The following QRICH1 variants were observed in gnomAD, a reference collection of about 807,000 sequenced individuals.
QRICH1 encodes the protein transcriptional regulator QRICH1.
Under a neutral mutation model 87.1 loss-of-function variants are expected in QRICH1, and 16 were observed. The observed-to-expected ratio is 0.18, with a 90% CI of 0.12 to 0.28. The LOEUF (loss-of-function observed/expected upper bound fraction) is 0.28, where lower values mean the gene tolerates loss of function less well. Among genes scored for constraint, QRICH1 ranks in the 10% least tolerant of loss-of-function variants. The pLI, the probability that QRICH1 is intolerant of heterozygous loss-of-function variation, is 1.00. For synonymous variants in QRICH1, 367 were observed against 368.4 expected, an observed-to-expected ratio of 1.00 and a Z score of 0.05; for missense variants, 647 against 951.7, an observed-to-expected ratio of 0.68 and a Z score of 4.21.
chr3:49,065,588 G>A (rs1246414908), intron 2 of QRICH1, among the ~76,000 whole-genome samples: 1 of 152,098 alleles, frequency 6.6e-6, no homozygotes, highest in Non-Finnish European at 1.5e-5. Context: ...GAGAATGAAA[G>A]TGAAAAAGGC....
In QRICH1 at chr3:49,057,030, A is replaced by G. The variant is rs750989844; in HGVS notation, c.1170T>C (p.Asn390=). ...ANSLFPAQFM[N]GNIHIPVAVQ... is the part of the protein sequence containing the mutation. ...CAGCCACTGGAATGTGGATGTTGCC[A>G]TTCATGAACTGTGCTGGAAAGAGAG... Residue 390 remains asparagine (N), a synonymous_variant, in exon 3 of 10, where the codon AAT becomes AAC. Transcript: ENST00000395443. This position sits in a 1 kb window ranked among gnomAD's most constrained non-coding sequence, Gnocchi z 5.4. 1 of 1,614,226 alleles carries G rather than the reference A, an allele frequency of 6.2e-7. No individual in the cohort carries two copies. Among genetic ancestry groups the G allele is most frequent in the South Asian group, 1.1e-5 (1 of 91,086 alleles).
rs1023689176 is a variant in QRICH1, at chr3:49,029,768, C to CA, written c.*683dup. 4 of 296,288 alleles carry CA rather than the reference C, an allele frequency of 1.4e-5. No homozygotes were observed. The highest frequency in any genetic ancestry group is 8.8e-5 in the African/African-American group (4 of 45,564). 18.4% of individuals were successfully genotyped at this position (296,288 alleles called of 1,614,324 possible). ...CTAGAGTAAGAATACATAAGAGAAA[C>CA]AGAGTGGTATCTTTATATGATACAC... On this transcript the variant is annotated 3_prime_UTR_variant, in exon 10 of 10. Transcript: ENST00000395443.
At chr3:49,077,799 T>C (rs981654331) in intron 1 of QRICH1, among the ~76,000 whole-genome samples, 4 of 152,150 alleles carry the variant, frequency 2.6e-5, no homozygotes, top group Admixed American at 2.0e-4. Context: ...ATCTAGCACA[T>C]AGATAGCACT....
chr3:49,079,074 AAT>A (rs1425816680), intron 1 of QRICH1, among the ~76,000 whole-genome samples: 2 of 152,046 alleles, frequency 1.3e-5, no homozygotes, highest in Non-Finnish European at 2.9e-5. Flanking sequence ...CTCTACAAAA[AAT>A]ATATAAAAAT....
At chr3:49,041,484 G>C (rs1232521088) in intron 6 of QRICH1, among the ~76,000 whole-genome samples, 1 of 151,842 alleles carries the variant, frequency 6.6e-6, no homozygotes, top group African/African-American at 2.4e-5. Context: ...TGAGCTACCA[G>C]GCCCAGCCTA....
At position 49,040,458 on chromosome 3, in the gene QRICH1, G is replaced by GA. The variant is rs912315894; in HGVS notation, c.1786+3931dup. On this transcript the variant is annotated intron_variant, in intron 6 of 9. Transcript: ENST00000395443. The stretch of plus-strand genomic sequence containing the variant: ...CCTTGCTCTCCACAAAAAAGGAGGG[G>GA]AAAAAAAAAGACAAAGTACTAGAGT... 4.6e-5 allele frequency among the ~76,000 whole-genome samples: 7 copies of GA among 150,680 alleles called. No individual in the cohort carries two copies. In the South Asian group the frequency reaches 8.4e-4, roughly 18 times the overall value.
chr3:49,054,356 T>A (rs998573505), intron 3 of QRICH1, among the ~76,000 whole-genome samples: 2 of 152,210 alleles, frequency 1.3e-5, no homozygotes, highest in Admixed American at 1.3e-4. Flanking sequence ...TTCTCCTATA[T>A]GCAGTCAATT....
rs1363111032 is a variant in QRICH1 at position 49,048,645 on chromosome 3, G to A, written c.1339-1399C>T. On this transcript the variant is annotated intron_variant, in intron 3 of 9. Transcript: ENST00000395443. ...CTACTAAAATACAAAAAAATCAGCC[G>A]GGTGTGGTGGCGGGCGCCTGTAGTC... is the stretch of plus-strand genomic sequence containing the variant. Among the ~76,000 whole-genome samples the A allele has an allele frequency of 1.5e-4, 22 of 150,908 alleles. No homozygotes were observed. The Middle Eastern group carries it at 0.017, about 117-fold the overall frequency.
intron 2 of QRICH1, among the ~76,000 whole-genome samples, chr3:49,061,134 TAAAAAAAAAAAAAAAAA>T (rs57557768): frequency 4.5e-4 from 18 of 39,742 alleles, no homozygotes; most frequent in African/African-American, 9.2e-4. Flanking sequence ...GCCTCCATCT[TAAAAAAAAAAAAAAAAA>T]AAAAAAAAAA....
intron 1 of QRICH1, among the ~76,000 whole-genome samples, chr3:49,090,515 C>T (rs2042253877): frequency 6.7e-6 from 1 of 150,330 alleles, no homozygotes; most frequent in Non-Finnish European, 1.5e-5. Context: ...GTAATTCCAG[C>T]TACTCCAGAG....
chr3:49,046,446 A>G lies in QRICH1; in HGVS notation c.1650T>C (p.Tyr550=). Residue 550 remains tyrosine (Y), a synonymous_variant, in exon 5 of 10, where the codon TAT becomes TAC. Transcript: ENST00000395443. ...GEPYDPDVLY[Y]IFLCIQKYLF... is the part of the protein sequence containing the mutation. ...CTACCTTTTGAATACACAGGAAAATATAGTAGAGCACATCTGGGTCATAGG... is the reference window on the plus strand; with the variant it reads ...CTACCTTTTGAATACACAGGAAAATGTAGTAGAGCACATCTGGGTCATAGG... 6.2e-7 allele frequency: 1 copy of G among 1,613,892 alleles called. No homozygotes were observed. The highest frequency in any genetic ancestry group is 8.5e-7 in the Non-Finnish European group (1 of 1,179,960).
chr3:49,035,888 A>G (rs1296526147), intron 6 of QRICH1, among the ~76,000 whole-genome samples: 1 of 148,126 alleles, frequency 6.8e-6, no homozygotes, highest in African/African-American at 2.5e-5. Context: ...CAGCCTAGAC[A>G]ACATGGCAAA....
chr3:49,040,582 C>A (rs1011348081), intron 6 of QRICH1, among the ~76,000 whole-genome samples: 39 of 152,320 alleles, frequency 2.6e-4, no homozygotes, highest in African/African-American at 8.9e-4. Flanking sequence ...GACTGCTGGG[C>A]ACATAGTAGG....
intron 2 of QRICH1, among the ~76,000 whole-genome samples, chr3:49,062,847 A>C (rs1304294051): frequency 2.0e-5 from 3 of 151,932 alleles, no homozygotes; most frequent in South Asian, 4.1e-4. Context: ...TTCTATTAAA[A>C]TAATTAGCCA....
chr3:49,082,096 C>A (rs919313659), intron 1 of QRICH1, among the ~76,000 whole-genome samples: 11 of 152,058 alleles, frequency 7.2e-5, no homozygotes, highest in Admixed American at 3.3e-4. Context: ...CACCTGCCCC[C>A]ATACCCGGCT....
At chr3:49,038,263 G>A (rs1317160135) in intron 6 of QRICH1, among the ~76,000 whole-genome samples, 4 of 151,090 alleles carry the variant, frequency 2.6e-5, no homozygotes, top group Non-Finnish European at 5.9e-5. Flanking sequence ...GGGCTTCACC[G>A]TGTTAGCCAG....
intron 1 of QRICH1, among the ~76,000 whole-genome samples, chr3:49,082,618 G>A (rs888934674): frequency 3.3e-5 from 5 of 151,968 alleles, no homozygotes; most frequent in South Asian, 2.1e-4. Flanking sequence ...AAAAAAAGCC[G>A]GGCACGGTGG....
chr3:49,031,021 C>G (rs1301342336), intron 9 of QRICH1, among the ~76,000 whole-genome samples: 1 of 139,214 alleles, frequency 7.2e-6, no homozygotes, highest in Non-Finnish European at 1.5e-5. Flanking sequence ...GAGATGGCGT[C>G]TTGTCTCCAG....
Position 49,077,126 on chromosome 3 carries a change from T to C in QRICH1, c.-21-88A>G. On this transcript the variant is annotated intron_variant, in intron 1 of 9. Coordinates refer to ENST00000395443, the MANE Select transcript of QRICH1 (RefSeq NM_198880.3). ...TACCCTTGCACAAGAGTGGAATATA[T>C]TCAGGGCAGCTGTATACATATAGAA... 3.5e-6 allele frequency: 3 copies of C among 860,724 alleles called. No individual in the cohort carries two copies. In the South Asian group the frequency reaches 1.1e-4, roughly 32 times the overall value. The allele number at this position is 860,724 out of a possible 1,614,324, so 53.3% of individuals were successfully genotyped here.
Sources: allele counts gnomAD v4.1 joint callset (sites outside exome capture counted in the v4.1 genomes callset), GRCh38; gene constraint gnomAD v4.1.1; non-coding constraint Gnocchi (gnomAD v3.1); transcripts MANE v1.5; gene names NCBI Gene and HGNC (gene_info 2026-07-23, HGNC 2026-07-21).